Variants in HPS1 observed in about 807,000 individuals in gnomAD.
HPS1 encodes the protein BLOC-3 complex member HPS1.
In HPS1, 59 loss-of-function variants were observed where a neutral mutation model predicts 90.6. That is an observed-to-expected ratio of 0.65 (90% confidence interval 0.53 to 0.81). The LOEUF (loss-of-function observed/expected upper bound fraction) is 0.81, where lower values mean the gene tolerates loss of function less well. HPS1 is among the 30% of genes least tolerant of loss of function. The pLI is 0.00. For missense variants in HPS1, 849 were observed against 896.7 expected, an observed-to-expected ratio of 0.95 and a Z score of 0.68; for synonymous variants, 388 against 384.4, an observed-to-expected ratio of 1.01 and a Z score of -0.11.
intron 14 of HPS1, 74 bp from the exon 15 acceptor site, chr10:98,423,961 T>C: frequency 6.4e-7 from 1 of 1,574,588 alleles, no homozygotes; most frequent in Non-Finnish European, 8.7e-7. Flanking sequence ...GACCACCTTG[T>C]TCCTGCACCC....
Position 98,417,120 on chromosome 10 carries a change from A to C in HPS1, c.*444T>G. 6.3e-6 allele frequency: 1 copy of C among 158,344 alleles called. No individual in the cohort carries two copies. The highest frequency in any genetic ancestry group is 1.4e-5 in the Non-Finnish European group (1 of 72,218). The allele number at this position is 158,344 out of a possible 1,614,324, so 9.8% of individuals were successfully genotyped here. A position where few individuals can be genotyped will look rare whatever the true frequency, so the allele number is the denominator to read the frequency against. On this transcript the variant is annotated 3_prime_UTR_variant, in exon 20 of 20. Coordinates refer to ENST00000361490, the MANE Select transcript of HPS1 (RefSeq NM_000195.5). The surrounding 1 kb of genome is among the most constrained non-coding windows in gnomAD (Gnocchi z 4.2). The stretch of plus-strand genomic sequence containing the variant: ...GGTGCCATCGCTTTAAACGTGGGGA[A>C]TAGAAGAAACTTGCCAGGAGGTGCA...
intron 6 of HPS1, among the ~76,000 whole-genome samples, chr10:98,432,984 C>T (rs951717369): frequency 6.6e-6 from 1 of 152,146 alleles, no homozygotes; most frequent in African/African-American, 2.4e-5. Flanking sequence ...CCTGTAATCC[C>T]AGCACTTTGG....
In HPS1 at chr10:98,443,169, C is replaced by G. The variant is rs781728753; in HGVS notation, c.72G>C (p.Glu24Asp). ...ACTGCCCGAACTTCAGCCGGAGACT[C>G]TCTTCAAACTCCTGATCTGTCCAGT... is the stretch of plus-strand genomic sequence containing the variant. ...LFYWTDQEFE[E>D]SLRLKFGQSE... Residue 24 changes from glutamate to aspartate, a missense_variant, in exon 3 of 20, where the codon GAG becomes GAC. Physicochemically the swap from Glu to Asp is conservative, Grantham distance 45. Coordinates refer to ENST00000361490, the MANE Select transcript of HPS1 (RefSeq NM_000195.5). The G allele has an allele frequency of 1.9e-6, 3 of 1,614,008 alleles. No homozygotes were observed. In the East Asian group the frequency reaches 6.7e-5, roughly 36 times the overall value.
intron 5 of HPS1, among the ~76,000 whole-genome samples, chr10:98,434,619 A>G (rs752335763): frequency 2.0e-5 from 3 of 151,978 alleles, no homozygotes; most frequent in Non-Finnish European, 4.4e-5. Flanking sequence ...AGTTGCTCAT[A>G]TCGCCACAAA....
chr10:98,434,235 G>T, intron 5 of HPS1, 144 bp from the exon 6 acceptor site: 1 of 812,056 alleles, frequency 1.2e-6, no homozygotes, highest in South Asian at 1.8e-5. Context: ...AGGGGGCCAG[G>T]TTTCCGGCCG....
Position 98,431,174 on chromosome 10 carries a change from CA to C in HPS1, c.624del (p.His208GlnfsTer123). The C allele has an allele frequency of 6.2e-7, 1 of 1,614,150 alleles. No homozygotes were observed. Among genetic ancestry groups the C allele is most frequent in the Non-Finnish European group, 8.5e-7 (1 of 1,180,028 alleles). On this transcript the variant is annotated frameshift_variant, in exon 7 of 20. Coordinates refer to ENST00000361490, the MANE Select transcript of HPS1 (RefSeq NM_000195.5). LOFTEE classifies it high-confidence loss of function. ...AGCTTGGAGTGCACGAGCAGGAAGG[CA>C]TGCAGGGCCTCCTCGCCTCCCCGCT... ...SPERGGEEAL[H>X]AFLLVHSKLL... is the part of the protein sequence containing the mutation.
intron 2 of HPS1, among the ~76,000 whole-genome samples, chr10:98,444,303 T>C (rs189690892): frequency 4.0e-5 from 6 of 151,756 alleles, no homozygotes; most frequent in Non-Finnish European, 8.8e-5. Context: ...TGCTTGATTA[T>C]GTAAGAAATG....
rs202103570 is a variant in HPS1 at position 98,422,479 on chromosome 10, T to C, written c.1633A>G (p.Ile545Val). Residue 545 changes from isoleucine to valine, a missense_variant, in exon 17 of 20, where the codon ATC becomes GTC. Transcript: ENST00000361490. ...LEDFPGLVHF[I>V]YVDRTTGQMV... ...TGCCCAGTGGTGCGGTCCACATAGA[T>C]GAAGTGCACCAAGCCTGGGAAGTCT... 40 of 1,614,124 alleles carry C rather than the reference T, an allele frequency of 2.5e-5. 1 individual carries two copies. The African/African-American group carries it at 4.9e-4, about 20-fold the overall frequency.
intron 8 of HPS1, 88 bp from the exon 9 acceptor site, chr10:98,429,977 C>T (rs376485538): frequency 7.2e-6 from 7 of 974,512 alleles, no homozygotes; most frequent in African/African-American, 4.8e-5. Flanking sequence ...ACAGAGAAGC[C>T]TCCACCCCTC....
rs142934882 is a variant in HPS1 at position 98,435,768 on chromosome 10, G to A, written c.122C>T (p.Pro41Leu). 181 of 1,614,182 alleles carry A rather than the reference G, an allele frequency of 1.1e-4. No homozygotes were observed. The African/African-American group carries it at 2.2e-3, about 20-fold the overall frequency. ...GQSENEEEEL[P>L]ALEDQLSTLL... Reference sequence around the variant, plus strand: ...GGTGCTGAGCTGGTCCTCCAGGGCAGGGAGCTGCAAAAATGGGGGAAAATT... The same window carrying A: ...GGTGCTGAGCTGGTCCTCCAGGGCAAGGAGCTGCAAAAATGGGGGAAAATT... The change falls in exon 4 of 20, where the codon CCT (proline) becomes CTT (leucine). Residue 41 changes from proline (P) to leucine (L), a missense_variant. By Grantham distance (98) the Pro-to-Leu change is moderately conservative (BLOSUM62 -3). Coordinates refer to ENST00000361490, the MANE Select transcript of HPS1 (RefSeq NM_000195.5). This position sits in a 1 kb window ranked among gnomAD's most constrained non-coding sequence, Gnocchi z 4.3.
chr10:98,423,826 G>T lies in HPS1; in HGVS notation c.1459C>A (p.Leu487Met). The change falls in exon 15 of 20, where the codon CTG becomes ATG. Residue 487 changes from leucine to methionine, a missense_variant. Physicochemically the swap from Leu to Met is conservative, Grantham distance 15. Coordinates refer to ENST00000361490, the MANE Select transcript of HPS1 (RefSeq NM_000195.5). ...QLCAIYRLNFLTTAPSRGGPH... is the reference protein window; with the variant it reads ...QLCAIYRLNFMTTAPSRGGPH... ...CCTCCCCTGCTGGGGGCTGTGGTCA[G>T]AAAGTTCAGCCGGTAGATGGCGCAG... 2 of 1,613,992 alleles carry T rather than the reference G, an allele frequency of 1.2e-6. No individual in the cohort carries two copies. Among genetic ancestry groups the T allele is most frequent in the Non-Finnish European group, 1.7e-6 (2 of 1,180,032 alleles).
intron 8 of HPS1, among the ~76,000 whole-genome samples, chr10:98,430,233 T>G (rs1269026281): frequency 6.6e-6 from 1 of 152,160 alleles, no homozygotes; most frequent in African/African-American, 2.4e-5. Context: ...CAAATACCCC[T>G]GAGAAGTAGA....
chr10:98,424,638 C>T (rs1316734703), intron 13 of HPS1, among the ~76,000 whole-genome samples: 1 of 152,106 alleles, frequency 6.6e-6, no homozygotes, highest in Non-Finnish European at 1.5e-5. Flanking sequence ...ATAGTAGCAC[C>T]GTCACAGCAA....
In HPS1 at chr10:98,423,758, G is replaced by C. The variant is rs17109850; in HGVS notation, c.1527C>G (p.Leu509=). The part of the protein sequence containing the change: ...PQHLQDQVQR[L]MREKLTDWKD... ...GGGGGCCGCACTGCACTTACCGCAT[G>C]AGCCTCTGCACTTGGTCCTGCAGGT... is the stretch of plus-strand genomic sequence containing the variant. Residue 509 remains leucine (L), a synonymous_variant, in exon 15 of 20, where the codon CTC becomes CTG. Transcript: ENST00000361490. The C allele has an allele frequency of 0.011, 18,499 of 1,614,126 alleles. 405 individuals are homozygous for C. Among genetic ancestry groups the C allele is most frequent in the South Asian group, 0.07 (6,336 of 91,078 alleles).
chr10:98,428,887 G>A (rs924101568), intron 10 of HPS1, among the ~76,000 whole-genome samples: 1 of 151,532 alleles, frequency 6.6e-6, no homozygotes, highest in Non-Finnish European at 1.5e-5. Flanking sequence ...TGTCGCCCAG[G>A]CTGGAGTGCA....
intron 17 of HPS1, among the ~76,000 whole-genome samples, chr10:98,422,078 A>G (rs1350495566): frequency 6.6e-6 from 1 of 152,172 alleles, no homozygotes; most frequent in African/African-American, 2.4e-5. Context: ...TTTGTCATGA[A>G]AAACAGTCAG....
At chr10:98,421,762 A>G (rs1398249306) in intron 17 of HPS1, among the ~76,000 whole-genome samples, 1 of 152,220 alleles carries the variant, frequency 6.6e-6, no homozygotes, top group African/African-American at 2.4e-5. Flanking sequence ...TACTCTTCAT[A>G]ACTCTGTGAT....
chr10:98,444,809 G>C (rs994295632), intron 2 of HPS1, among the ~76,000 whole-genome samples: 10 of 152,246 alleles, frequency 6.6e-5, no homozygotes, highest in African/African-American at 2.4e-4. Flanking sequence ...CAGACACTGA[G>C]AGTGCAACAG....
rs1939347463 is a variant in HPS1 at position 98,445,560 on chromosome 10, C to T, written c.-105-156G>A. The T allele has an allele frequency of 6.6e-6, 1 of 152,606 alleles. No individual in the cohort carries two copies. Among genetic ancestry groups the T allele is most frequent in the African/African-American group, 2.4e-5 (1 of 41,424 alleles). 9.5% of individuals were successfully genotyped at this position (152,606 alleles called of 1,614,324 possible). A position where few individuals can be genotyped will look rare whatever the true frequency, so the allele number is the denominator to read the frequency against. ...GCTAAGAACATATCTGGGATCCTGC[C>T]CCTCACCTCCCATAATGGAGAATAG... On this transcript the variant is annotated intron_variant, in intron 1 of 19. Coordinates refer to ENST00000361490, the MANE Select transcript of HPS1 (RefSeq NM_000195.5). This position sits in a 1 kb window ranked among gnomAD's most constrained non-coding sequence, Gnocchi z 4.5.
Sources: allele counts gnomAD v4.1 joint callset (sites outside exome capture counted in the v4.1 genomes callset), GRCh38; gene constraint gnomAD v4.1.1; non-coding constraint Gnocchi (gnomAD v3.1); transcripts MANE v1.5; gene names NCBI Gene and HGNC (gene_info 2026-07-23, HGNC 2026-07-21).